Variants in ZNF746 observed in about 807,000 individuals in gnomAD.
ZNF746 encodes the protein zinc finger protein 746.
Under a neutral mutation model 41.0 loss-of-function variants are expected in ZNF746, and 13 were observed. That is an observed-to-expected ratio of 0.32 (90% CI 0.21 to 0.50). The LOEUF is 0.50. Among genes scored for constraint, ZNF746 ranks in the 20% least tolerant of loss-of-function variants. The probability of loss-of-function intolerance (pLI) is 0.98; values close to 1 mark genes in which losing one functional copy is unlikely to be tolerated. For synonymous variants in ZNF746, 424 were observed against 396.2 expected (o/e 1.07, Z -0.83); for missense variants, 811 against 922.9 (o/e 0.88, Z 1.57).
Position 149,477,638 on chromosome 7 carries a change from T to G in ZNF746, c.683A>C (p.Asp228Ala). 6.2e-7 allele frequency: 1 copy of G among 1,614,012 alleles called. No homozygotes were observed. The stretch of plus-strand genomic sequence containing the variant: ...GAGGCCCCAGGGCTCCTCCCCAATA[T>G]CTGGCTGCCCGGCTGCCCACGCCTC... ...GVEAWAAGQP[D>A]IGEEPWGLSQ... Residue 228 changes from aspartate (D) to alanine (A), a missense_variant, in exon 5 of 7, where the codon GAT becomes GCT. Asp to Ala is a moderately radical substitution (Grantham distance 126). Around this residue, in one of 4 missense-constraint regions of ZNF746, gnomAD observed 495 missense variants for 481.6 expected, o/e 1.03. Coordinates refer to ENST00000458143, the MANE Select transcript of ZNF746 (RefSeq NM_001394198.1).
Position 149,497,345 on chromosome 7 carries a change from G to A in ZNF746, c.24+168C>T. ...GCTCGGAGTGGGGGCCCGGCCGACGGGCGCAGTAGGCCCCGGCGGACCCCG... is the reference window on the plus strand; with the variant it reads ...GCTCGGAGTGGGGGCCCGGCCGACGAGCGCAGTAGGCCCCGGCGGACCCCG... On this transcript the variant is annotated intron_variant, in intron 1 of 6. Transcript: ENST00000458143. This position sits in a 1 kb window ranked among gnomAD's most constrained non-coding sequence, Gnocchi z 4.2. 2 of 976,452 alleles carry A rather than the reference G, an allele frequency of 2.0e-6. No individual in the cohort carries two copies. The highest frequency in any genetic ancestry group is 2.4e-6 in the Non-Finnish European group (2 of 822,088). 60.5% of individuals were successfully genotyped at this position (976,452 alleles called of 1,614,324 possible). A position where few individuals can be genotyped will look rare whatever the true frequency, so the allele number is the denominator to read the frequency against.
In ZNF746 at chr7:149,474,959, T is replaced by G. The variant is rs143688390; in HGVS notation, c.1408A>C (p.Thr470Pro). ...PAAPPGGRPF[T>P]CATCGKSFQL... ...AAGCTCTTCCCACACGTGGCGCAGG[T>G]GAAGGGCCGGCCCCCGGGGGGCGCC... The change falls in exon 7 of 7, where the codon ACC (threonine) becomes CCC (proline). Residue 470 changes from threonine to proline, a missense_variant. By Grantham distance (38) the Thr-to-Pro change is conservative. Transcript: ENST00000458143. This position sits in a 1 kb window ranked among gnomAD's most constrained non-coding sequence, Gnocchi z 6.3. The G allele has an allele frequency of 1.2e-5, 18 of 1,547,126 alleles. No individual in the cohort carries two copies. Among genetic ancestry groups the G allele is most frequent in the African/African-American group, 2.7e-5 (2 of 73,008 alleles).
intron 1 of ZNF746, among the ~76,000 whole-genome samples, chr7:149,496,603 C>T (rs1199118949): frequency 6.6e-6 from 1 of 152,190 alleles, no homozygotes; most frequent in Non-Finnish European, 1.5e-5. Context: ...CGTCTCTCTG[C>T]GCCTTTGCCC....
Position 149,475,062 on chromosome 7 carries a change from C to A in ZNF746, c.1305G>T (p.Arg435Ser). ...EAILDPSQAP[R>S]PFNEPCKYPG... is the part of the protein sequence containing the mutation. ...GGTATTTACAGGGTTCGTTGAATGG[C>A]CTTGGGGCCTGGCTGGGGTCCAAGA... is the stretch of plus-strand genomic sequence containing the variant. Residue 435 changes from arginine to serine, a missense_variant, in exon 7 of 7, where the codon AGG (arginine) becomes AGT (serine). Coordinates refer to ENST00000458143, the MANE Select transcript of ZNF746 (RefSeq NM_001394198.1). 6.3e-7 allele frequency: 1 copy of A among 1,587,780 alleles called. No individual in the cohort carries two copies. Among genetic ancestry groups the A allele is most frequent in the Non-Finnish European group, 8.6e-7 (1 of 1,167,872 alleles).
intron 5 of ZNF746, 72 bp from the exon 6 acceptor site, chr7:149,477,119 G>C (rs369522253): frequency 6.6e-7 from 1 of 1,513,058 alleles, no homozygotes; most frequent in Admixed American, 2.1e-5. Flanking sequence ...TTGGGGAGGA[G>C]AGCAGGCTAA....
rs746643922 is a variant in ZNF746 at position 149,477,027 on chromosome 7, T to A, written c.778A>T (p.Thr260Ser). 5.0e-6 allele frequency: 8 copies of A among 1,612,300 alleles called. No individual in the cohort carries two copies. The South Asian group carries it at 8.8e-5, about 18-fold the overall frequency. Residue 260 changes from threonine to serine, a missense_variant, in exon 6 of 7, where the codon ACC (threonine) becomes TCC (serine). By Grantham distance (58) the Thr-to-Ser change is moderately conservative. Coordinates refer to ENST00000458143, the MANE Select transcript of ZNF746 (RefSeq NM_001394198.1). Reference protein sequence around the residue: ...ATSGVHSNFSTTIPPTSWQTD... With the variant: ...ATSGVHSNFSSTIPPTSWQTD... Reference sequence around the variant, plus strand: ...TGCCAGGAGGTGGGCGGGATGGTGGTGGAAAAGTTGGAATGGACACCTGCG... The same window carrying A: ...TGCCAGGAGGTGGGCGGGATGGTGGAGGAAAAGTTGGAATGGACACCTGCG...
intron 6 of ZNF746, 56 bp downstream of exon 6, chr7:149,476,866 G>A (rs1172444908): frequency 2.7e-5 from 44 of 1,611,446 alleles, no homozygotes; most frequent in East Asian, 8.9e-5. Flanking sequence ...TGCCTGGACC[G>A]AGGTACTCCC....
chr7:149,492,120 C>T (rs950435333), intron 4 of ZNF746, among the ~76,000 whole-genome samples: 1 of 152,182 alleles, frequency 6.6e-6, no homozygotes, highest in African/African-American at 2.4e-5. Context: ...ATTTTGTTGT[C>T]AATATACAGC....
In ZNF746 at chr7:149,494,107, C is replaced by T; in HGVS notation, c.333G>A (p.Val111=). ...GSKGESPKVP[V]TFDDVAVYFS... ...AATACACGGCCACATCATCAAAGGT[C>T]ACGGGCACCTGGAACCACAAGTGTC... The change falls in exon 3 of 7, where the codon GTG becomes GTA. Residue 111 remains valine (V), a synonymous_variant. Transcript: ENST00000458143. The surrounding 1 kb of genome is among the most constrained non-coding windows in gnomAD (Gnocchi z 5.6). 6.2e-7 allele frequency: 1 copy of T among 1,614,188 alleles called. No homozygotes were observed. Among genetic ancestry groups the T allele is most frequent in the Non-Finnish European group, 8.5e-7 (1 of 1,180,040 alleles).
At chr7:149,484,090 C>G (rs1323762541) in intron 4 of ZNF746, among the ~76,000 whole-genome samples, 2 of 152,128 alleles carry the variant, frequency 1.3e-5, no homozygotes, top group African/African-American at 4.8e-5. Context: ...ACAAAGAAAA[C>G]TTAAGGCTCA....
Position 149,477,009 on chromosome 7 carries a change from A to C in ZNF746, c.796T>G (p.Ser266Ala). The C allele has an allele frequency of 6.2e-7, 1 of 1,613,548 alleles. No homozygotes were observed. The highest frequency in any genetic ancestry group is 8.5e-7 in the Non-Finnish European group (1 of 1,179,868). ...SNFSTTIPPT[S>A]WQTDLPPHHP... ...TGGGGAGGGAGATCCGTTTGCCAGG[A>C]GGTGGGCGGGATGGTGGTGGAAAAG... The change falls in exon 6 of 7, where the codon TCC becomes GCC. Residue 266 changes from serine to alanine, a missense_variant. This residue lies in a region of ZNF746 where 495 missense variants were observed against 481.6 expected (regional missense o/e 1.03). Transcript: ENST00000458143.
chr7:149,474,457 G>A lies in ZNF746; in HGVS notation c.1910C>T (p.Ala637Val), dbSNP rs1200732449. ...FKSPASKGPLASTDLVTDWTC... is the reference protein window; with the variant it reads ...FKSPASKGPLVSTDLVTDWTC... ...CCAGTCGGTCACAAGGTCTGTGGAG[G>A]CCAAAGGTCCTTTGGAGGCGGGGCT... Residue 637 changes from alanine to valine, a missense_variant, in exon 7 of 7, where the codon GCC (alanine) becomes GTC (valine). Coordinates refer to ENST00000458143, the MANE Select transcript of ZNF746 (RefSeq NM_001394198.1). This position sits in a 1 kb window ranked among gnomAD's most constrained non-coding sequence, Gnocchi z 6.3. The A allele has an allele frequency of 2.5e-6, 4 of 1,611,674 alleles. No individual in the cohort carries two copies. The highest frequency in any genetic ancestry group is 3.4e-6 in the Non-Finnish European group (4 of 1,178,974).
intron 4 of ZNF746, chr7:149,491,338 T>C (rs1800801550): frequency 6.5e-6 from 1 of 154,938 alleles, no homozygotes; most frequent in Non-Finnish European, 1.4e-5. Context: ...CAGCCCCTCT[T>C]TACTCTCATT....
At chr7:149,480,155 T>C (rs937085954) in intron 4 of ZNF746, among the ~76,000 whole-genome samples, 38 of 152,122 alleles carry the variant, frequency 2.5e-4, no homozygotes, top group Non-Finnish European at 1.8e-4. Flanking sequence ...ATTTTAAACA[T>C]AGCTTTCAAA....
chr7:149,493,880 A>C (rs1480577417), intron 3 of ZNF746, 109 bp downstream of exon 3: 1 of 1,568,876 alleles, frequency 6.4e-7, no homozygotes, highest in Non-Finnish European at 8.7e-7. Flanking sequence ...CAAGGTCAAC[A>C]ATGTTTCTGG....
At position 149,497,344 on chromosome 7, in the gene ZNF746, G is replaced by A; in HGVS notation, c.24+169C>T. On this transcript the variant is annotated intron_variant, in intron 1 of 6. Transcript: ENST00000458143. The surrounding 1 kb of genome is among the most constrained non-coding windows in gnomAD (Gnocchi z 4.2). Reference sequence around the variant, plus strand: ...GGCTCGGAGTGGGGGCCCGGCCGACGGGCGCAGTAGGCCCCGGCGGACCCC... The same window carrying A: ...GGCTCGGAGTGGGGGCCCGGCCGACAGGCGCAGTAGGCCCCGGCGGACCCC... The A allele has an allele frequency of 1.0e-6, 1 of 975,686 alleles. No individual in the cohort carries two copies. The highest frequency in any genetic ancestry group is 1.8e-5 in the African/African-American group (1 of 56,964). 60.4% of individuals were successfully genotyped at this position (975,686 alleles called of 1,614,324 possible). A position where few individuals can be genotyped will look rare whatever the true frequency, so the allele number is the denominator to read the frequency against.
Position 149,477,615 on chromosome 7 carries a change from G to A in ZNF746, c.706C>T (p.Leu236Phe). The change falls in exon 5 of 7, where the codon CTC (leucine) becomes TTC (phenylalanine). Residue 236 changes from leucine (L) to phenylalanine (F), a missense_variant. Around this residue, in one of 4 missense-constraint regions of ZNF746, gnomAD observed 495 missense variants for 481.6 expected, o/e 1.03. Coordinates refer to ENST00000458143, the MANE Select transcript of ZNF746 (RefSeq NM_001394198.1). ...QPDIGEEPWG[L>F]SQLDSGAGDI... ...CCTGCTCCGGAATCCAGCTGGCTGA[G>A]GCCCCAGGGCTCCTCCCCAATATCT... is the stretch of plus-strand genomic sequence containing the variant. 1.2e-6 allele frequency: 2 copies of A among 1,613,712 alleles called. No individual in the cohort carries two copies. The highest frequency in any genetic ancestry group is 1.7e-6 in the Non-Finnish European group (2 of 1,179,666).
intron 4 of ZNF746, among the ~76,000 whole-genome samples, chr7:149,485,093 C>A (rs1344481580): frequency 6.7e-6 from 1 of 150,158 alleles, no homozygotes; most frequent in African/African-American, 2.4e-5. Flanking sequence ...CCTCAAGTCC[C>A]CAACAGCAAC....
intron 1 of ZNF746, among the ~76,000 whole-genome samples, chr7:149,496,201 T>G (rs1243807261): frequency 6.6e-6 from 1 of 152,128 alleles, no homozygotes; most frequent in African/African-American, 2.4e-5. Flanking sequence ...ATTAAGAAAA[T>G]ATTAGTCTTT....
Sources: allele counts gnomAD v4.1 joint callset (sites outside exome capture counted in the v4.1 genomes callset), GRCh38; gene constraint gnomAD v4.1.1; regional missense constraint gnomAD v4.1.1; non-coding constraint Gnocchi (gnomAD v3.1); transcripts MANE v1.5; gene names NCBI Gene and HGNC (gene_info 2026-07-23, HGNC 2026-07-21).